The following ASIC2 variants were observed in gnomAD, a reference collection of about 807,000 sequenced individuals.
The protein encoded by ASIC2 is acid-sensing ion channel 2.
Under a neutral mutation model 57.3 loss-of-function variants are expected in ASIC2, and 25 were observed. The ratio of observed to expected loss-of-function variants is 0.44; its 90% CI spans 0.32 to 0.61. ASIC2 has a LOEUF of 0.61. Ranked by LOEUF, ASIC2 falls within the 20% of genes least tolerant of loss-of-function variation. ASIC2 has a pLI of 0.06. For missense variants in ASIC2, 641 were observed against 738.1 expected, an observed-to-expected ratio of 0.87 and a Z score of 1.52; for synonymous variants, 319 against 307.5, an observed-to-expected ratio of 1.04 and a Z score of -0.39.
intron 1 of ASIC2, among the ~76,000 whole-genome samples, chr17:33,262,045 C>T (rs368410445): frequency 2.0e-5 from 3 of 152,300 alleles, no homozygotes; most frequent in East Asian, 3.9e-4. Context: ...GGCGCACGAC[C>T]GGGTTGTCAG....
intron 1 of ASIC2, among the ~76,000 whole-genome samples, chr17:34,085,044 T>G (rs182235225): frequency 7.4e-4 from 112 of 152,336 alleles, no homozygotes; most frequent in Non-Finnish European, 1.5e-3. Flanking sequence ...TTCTCCTGCC[T>G]AATTGCCGTG....
At chr17:33,355,646 C>G (rs899788539) in intron 1 of ASIC2, among the ~76,000 whole-genome samples, 4 of 152,194 alleles carry the variant, frequency 2.6e-5, no homozygotes, top group African/African-American at 7.2e-5. Context: ...GTTCCCATAA[C>G]AACCCTTGAT....
At chr17:33,423,598 C>T (rs72821173) in intron 1 of ASIC2, among the ~76,000 whole-genome samples, 7,567 of 152,178 alleles carry the variant, frequency 0.05, 223 homozygotes, top group East Asian at 0.12. Flanking sequence ...ACTTGCCTTC[C>T]TTAGCCCCTA....
At chr17:34,016,807 T>C (rs1011922771) in intron 1 of ASIC2, among the ~76,000 whole-genome samples, 3 of 152,260 alleles carry the variant, frequency 2.0e-5, no homozygotes, top group South Asian at 4.1e-4. Flanking sequence ...GTTTATATGT[T>C]ACTTTTAAAC....
intron 1 of ASIC2, among the ~76,000 whole-genome samples, chr17:34,108,555 A>G (rs1437788219): frequency 1.3e-5 from 2 of 152,144 alleles, no homozygotes; most frequent in East Asian, 1.9e-4. Flanking sequence ...TATTTACGTT[A>G]TATGGTGTAT....
intron 1 of ASIC2, among the ~76,000 whole-genome samples, chr17:33,812,718 C>A (rs924623059): frequency 4.6e-5 from 7 of 152,176 alleles, no homozygotes; most frequent in Non-Finnish European, 7.3e-5. Flanking sequence ...TGAGAAAGAG[C>A]TCATATGAGA....
chr17:33,296,949 A>C (rs115491257), upstream of ASIC2, among the ~76,000 whole-genome samples: 169 of 152,280 alleles, frequency 1.1e-3, 1 homozygote, highest in African/African-American at 3.9e-3. Context: ...CAGTGTAATC[A>C]ATTCTATTCT....
chr17:33,673,868 G>C (rs1465271125), intron 1 of ASIC2, among the ~76,000 whole-genome samples: 2 of 151,824 alleles, frequency 1.3e-5, no homozygotes, highest in South Asian at 4.2e-4. Context: ...GGATTCTGTA[G>C]GTCTGAGCTA....
At chr17:33,983,493 T>C (rs920106950) in intron 1 of ASIC2, among the ~76,000 whole-genome samples, 14 of 152,086 alleles carry the variant, frequency 9.2e-5, no homozygotes, top group African/African-American at 3.4e-4. Context: ...AGGTACCAGA[T>C]ATGGAGCCAG....
At chr17:33,892,128 T>A (rs1337273867) in intron 1 of ASIC2, among the ~76,000 whole-genome samples, 2 of 152,210 alleles carry the variant, frequency 1.3e-5, no homozygotes, top group Non-Finnish European at 2.9e-5. Flanking sequence ...TCGGCAAGGT[T>A]CTTGTTGTAA....
chr17:33,358,255 G>T (rs985131569), intron 1 of ASIC2, among the ~76,000 whole-genome samples: 1 of 152,250 alleles, frequency 6.6e-6, no homozygotes, highest in African/African-American at 2.4e-5. Flanking sequence ...TCACTCCAAC[G>T]GCAGAAGAAT....
intron 1 of ASIC2, among the ~76,000 whole-genome samples, chr17:34,016,015 C>A (rs1054584155): frequency 6.6e-6 from 1 of 152,180 alleles, no homozygotes. Flanking sequence ...AATAAATGTA[C>A]CTCTCAAAAC....
intron 1 of ASIC2, among the ~76,000 whole-genome samples, chr17:33,926,923 A>C (rs1358692940): frequency 6.6e-6 from 1 of 151,994 alleles, no homozygotes; most frequent in East Asian, 1.9e-4. Context: ...GGTGCTCAAA[A>C]AGTTTTGGAT....
intron 1 of ASIC2, among the ~76,000 whole-genome samples, chr17:33,330,028 C>G (rs1418263472): frequency 6.6e-6 from 1 of 152,172 alleles, no homozygotes; most frequent in African/African-American, 2.4e-5. Context: ...CTCATCATGG[C>G]TCTGTATCTG....
intron 1 of ASIC2, among the ~76,000 whole-genome samples, chr17:33,991,944 A>ATTTATTAATTTG (rs1338466319): frequency 3.3e-5 from 5 of 152,168 alleles, no homozygotes; most frequent in Admixed American, 3.3e-4. Context: ...ATATTAGTAT[A>ATTTATTAATTTG]TTAATAAAGG....
intron 1 of ASIC2, chr17:34,000,979 T>C (rs1906320470): frequency 6.6e-6 from 1 of 152,200 alleles, no homozygotes; most frequent in South Asian, 2.1e-4. Context: ...GTATTGTTTT[T>C]CTGATTTTGT....
chr17:33,610,059 C>T (rs144724309), intron 1 of ASIC2, among the ~76,000 whole-genome samples: 3 of 136,730 alleles, frequency 2.2e-5, no homozygotes, highest in Admixed American at 7.0e-5. Context: ...GAGGCGCACA[C>T]ACACACACAC....
intron 1 of ASIC2, among the ~76,000 whole-genome samples, chr17:33,439,951 A>G (rs1185533785): frequency 6.6e-6 from 1 of 152,244 alleles, no homozygotes. Flanking sequence ...GTGGCTTTAT[A>G]GAGCAGGACG....
intron 1 of ASIC2, among the ~76,000 whole-genome samples, chr17:33,789,622 G>T (rs1169757052): frequency 6.6e-6 from 1 of 152,022 alleles, no homozygotes; most frequent in African/African-American, 2.4e-5. Flanking sequence ...CTATTTTACT[G>T]GCAATCAGTA....
Sources: gnomAD v4.1 joint callset for allele counts (sites outside exome capture counted in the v4.1 genomes callset) on GRCh38, gnomAD v4.1.1 for gene constraint, MANE v1.5 for transcripts, NCBI Gene and HGNC (gene_info 2026-07-23, HGNC 2026-07-21) for gene names.